The following PLEKHG1 variants were observed in gnomAD, a reference collection of about 807,000 sequenced individuals.
PLEKHG1 encodes pleckstrin homology domain-containing family G member 1.
PLEKHG1 carries 44 observed loss-of-function variants against 100.8 expected under a neutral mutation model. The observed-to-expected ratio is 0.44, with a 90% CI of 0.34 to 0.56. The LOEUF (loss-of-function observed/expected upper bound fraction) is 0.56, where lower values mean the gene tolerates loss of function less well. Ranked by LOEUF, PLEKHG1 falls within the 20% of genes least tolerant of loss-of-function variation. PLEKHG1 has a pLI of 0.01. For missense variants in PLEKHG1, 1,545 were observed against 1,720.9 expected (o/e 0.90, Z 1.81); for synonymous variants, 640 against 662.5 (o/e 0.97, Z 0.52).
exon 2 of PLEKHG1, chr6:150,733,687 G>T (rs554385913): frequency 8.2e-5 from 133 of 1,614,144 alleles, no homozygotes; most frequent in Middle Eastern, 6.6e-4. Context: ...AGACAATGGA[G>T]CTCTCTGATA....
intron 3 of PLEKHG1, among the ~76,000 whole-genome samples, chr6:150,689,969 A>G (rs1780285140): frequency 6.6e-6 from 1 of 152,102 alleles, no homozygotes; most frequent in African/African-American, 2.4e-5. Context: ...TATAGTTGCA[A>G]TTGTTTCCCA....
chr6:150,840,211 G>A, exon 16 of PLEKHG1: 2 of 1,614,240 alleles, frequency 1.2e-6, no homozygotes, highest in Admixed American at 1.7e-5. Context: ...GAGAACTGGT[G>A]TCAGGACCAT....
chr6:150,730,186 C>G (rs9478803), intron 1 of PLEKHG1, among the ~76,000 whole-genome samples: 27,151 of 152,032 alleles, frequency 0.18, 3,741 homozygotes, highest in African/African-American at 0.38. Flanking sequence ...TCTCCGGTTA[C>G]AAAATCAGAA....
chr6:150,797,627 G>T (rs1413573102), intron 5 of PLEKHG1, among the ~76,000 whole-genome samples: 3 of 151,760 alleles, frequency 2.0e-5, no homozygotes, highest in Non-Finnish European at 4.4e-5. Flanking sequence ...CTGAGGTCAG[G>T]AGTTTGAGAC....
chr6:150,826,686 T>C (rs1776629599), intron 14 of PLEKHG1, among the ~76,000 whole-genome samples: 1 of 152,118 alleles, frequency 6.6e-6, no homozygotes, highest in African/African-American at 2.4e-5. Context: ...TGAGACAGGG[T>C]CTTGCTCTGT....
At chr6:150,655,069 G>A (rs1355249241) in intron 3 of PLEKHG1, among the ~76,000 whole-genome samples, 1 of 152,174 alleles carries the variant, frequency 6.6e-6, no homozygotes, top group Non-Finnish European at 1.5e-5. Flanking sequence ...ATAAAAATAT[G>A]CACAGAATTA....
intron 2 of PLEKHG1, among the ~76,000 whole-genome samples, chr6:150,754,479 C>G (rs1783705880): frequency 6.6e-6 from 1 of 152,004 alleles, no homozygotes; most frequent in African/African-American, 2.4e-5. Context: ...CAGTAGAGAG[C>G]TGGGTTAGGA....
rs1172371723 is a variant in PLEKHG1 at position 150,604,174 on chromosome 6, C to T, written c.-204+4157C>T. 2.6e-5 allele frequency among the ~76,000 whole-genome samples: 4 copies of T among 152,280 alleles called. No homozygotes were observed. The South Asian group carries it at 6.2e-4, about 24-fold the overall frequency. ...AGCATGAGTCTAATAACAGCTAAAA[C>T]TTTAGTATTCTCATAAGAGGAATTA... On this transcript the variant is annotated intron_variant, in intron 1 of 3. Coordinates refer to the PLEKHG1 transcript ENST00000367326.
At chr6:150,656,456 G>A (rs1778974832) in intron 3 of PLEKHG1, among the ~76,000 whole-genome samples, 1 of 152,012 alleles carries the variant, frequency 6.6e-6, no homozygotes, top group Non-Finnish European at 1.5e-5. Flanking sequence ...GGGACATTGT[G>A]GTCAAGTAAG....
At chr6:150,810,514 A>AAAAGAAAGAAAGAAAGAAAGAAAG (rs370057036) in intron 10 of PLEKHG1, among the ~76,000 whole-genome samples, 1,363 of 88,604 alleles carry the variant, frequency 0.015, 18 homozygotes, top group African/African-American at 0.036. Context: ...GAAAGAAAGA[A>AAAAGAAAGAAAGAAAGAAAGAAAG]AAAGAAAGAA....
chr6:150,833,301 C>T (rs1777057265), intron 15 of PLEKHG1, among the ~76,000 whole-genome samples: 1 of 152,216 alleles, frequency 6.6e-6, no homozygotes, highest in Non-Finnish European at 1.5e-5. Context: ...GACTCTCCCA[C>T]CTTGGCCTCC....
chr6:150,665,924 A>C (rs1779379588), intron 3 of PLEKHG1, among the ~76,000 whole-genome samples: 1 of 152,124 alleles, frequency 6.6e-6, no homozygotes, highest in Non-Finnish European at 1.5e-5. Flanking sequence ...ATAATGTATA[A>C]ACTTGGCCTC....
At chr6:150,722,554 A>G (rs999160282) in intron 1 of PLEKHG1, among the ~76,000 whole-genome samples, 6 of 151,946 alleles carry the variant, frequency 3.9e-5, no homozygotes, top group African/African-American at 9.7e-5. Context: ...GGGTTTCACC[A>G]TGTTAGCCAG....
intron 5 of PLEKHG1, among the ~76,000 whole-genome samples, chr6:150,798,927 G>C (rs986698633): frequency 6.6e-6 from 1 of 152,130 alleles, no homozygotes; most frequent in African/African-American, 2.4e-5. Context: ...TTTTAGGAGA[G>C]AGGGGGTTTC....
At chr6:150,666,456 A>G (rs1247429265) in intron 3 of PLEKHG1, among the ~76,000 whole-genome samples, 1 of 152,122 alleles carries the variant, frequency 6.6e-6, no homozygotes, top group Non-Finnish European at 1.5e-5. Context: ...TGGTCCGTTC[A>G]TTGCTAACTT....
At chr6:150,809,599 G>C (rs1787366297) in intron 9 of PLEKHG1, 49 bp from the exon 11 acceptor site, 1 of 1,550,476 alleles carries the variant, frequency 6.4e-7, no homozygotes, top group Non-Finnish European at 8.9e-7. Flanking sequence ...AGAGGGTCCT[G>C]TGGGTGGTGG....
chr6:150,614,823 T>C (rs1297454823), intron 1 of PLEKHG1, among the ~76,000 whole-genome samples: 1 of 152,234 alleles, frequency 6.6e-6, no homozygotes, highest in Non-Finnish European at 1.5e-5. Context: ...TGAGAGTTTT[T>C]ACTGGATAGT....
At chr6:150,778,759 A>G (rs1785129489) in intron 3 of PLEKHG1, among the ~76,000 whole-genome samples, 2 of 152,226 alleles carry the variant, frequency 1.3e-5, no homozygotes, top group South Asian at 4.1e-4. Context: ...CAAAGTGGAT[A>G]GGAACAGCTT....
At chr6:150,605,082 T>G (rs1776536419) in intron 1 of PLEKHG1, among the ~76,000 whole-genome samples, 1 of 152,210 alleles carries the variant, frequency 6.6e-6, no homozygotes, top group South Asian at 2.1e-4. Flanking sequence ...TGGACAGAGA[T>G]GCCGTCACCT....
Sources: allele counts gnomAD v4.1 joint callset (sites outside exome capture counted in the v4.1 genomes callset), GRCh38; gene constraint gnomAD v4.1.1; transcripts MANE v1.5; gene names NCBI Gene and HGNC (gene_info 2026-07-23, HGNC 2026-07-21).